The following GABRA3 variants were observed in gnomAD, a reference collection of about 807,000 sequenced individuals.
GABRA3 encodes the protein gamma-aminobutyric acid type A receptor subunit alpha3.
A neutral mutation model predicts 30.1 loss-of-function variants in GABRA3; 10 were observed. The observed-to-expected ratio is 0.33, with a 90% CI of 0.20 to 0.56. The LOEUF is 0.56. GABRA3 is among the 20% of genes least tolerant of loss of function. The pLI, the probability that GABRA3 is intolerant of heterozygous loss-of-function variation, is 0.89. For synonymous variants in GABRA3, 151 were observed against 146.8 expected, an observed-to-expected ratio of 1.03 and a Z score of -0.21; for missense variants, 233 against 392.0, an observed-to-expected ratio of 0.59 and a Z score of 3.42.
intron 1 of GABRA3, among the ~76,000 whole-genome samples, chrX:152,432,057 G>A (rs916985385): frequency 1.8e-5 from 2 of 111,683 alleles, no homozygotes; most frequent in East Asian, 2.8e-4. Flanking sequence ...AAGTGGCACT[G>A]ATATGGTCAT....
At chrX:152,193,767 G>T (rs865958250) in intron 8 of GABRA3, among the ~76,000 whole-genome samples, 31 of 112,234 alleles carry the variant, frequency 2.8e-4, no homozygotes, top group African/African-American at 4.9e-4. Flanking sequence ...GGGAGGCTGA[G>T]GCGGGTGGAT....
At chrX:152,439,036 TTAA>T (rs1186031476) in intron 1 of GABRA3, among the ~76,000 whole-genome samples, 1 of 111,097 alleles carries the variant, frequency 9.0e-6, no homozygotes, top group Non-Finnish European at 1.9e-5. Flanking sequence ...ATTAAAGACG[TTAA>T]TAATAAGGGA....
At chrX:152,367,298 T>C (rs1028909446) in intron 1 of GABRA3, among the ~76,000 whole-genome samples, 1 of 111,734 alleles carries the variant, frequency 8.9e-6, no homozygotes, top group African/African-American at 3.3e-5. Flanking sequence ...CAGGAGCAGA[T>C]TGGCTATGAA....
intron 5 of GABRA3, among the ~76,000 whole-genome samples, chrX:152,226,710 C>T (rs1476244493): frequency 9.0e-6 from 1 of 111,202 alleles, no homozygotes; most frequent in Admixed American, 9.5e-5. Flanking sequence ...ACCCCATCAA[C>T]AAGTGGGCGA....
chrX:152,286,695 C>T (rs1486261954), intron 3 of GABRA3, among the ~76,000 whole-genome samples: 1 of 111,418 alleles, frequency 9.0e-6, no homozygotes, highest in Non-Finnish European at 1.9e-5. Context: ...TATTGTGCCC[C>T]TACTCAGGCA....
In GABRA3 at chrX:152,207,420, G is replaced by C. The variant is rs769085961; in HGVS notation, c.778+581C>G. The stretch of plus-strand genomic sequence containing the variant: ...GCCATTTCCAAATGGACAGACTTAA[G>C]GCCACAGAACAAAACTCTAGTTTCA... On this transcript the variant is annotated intron_variant, in intron 7 of 9. Coordinates refer to ENST00000370314, the MANE Select transcript of GABRA3 (RefSeq NM_000808.4). Among the ~76,000 whole-genome samples, 4 of 111,678 alleles carry C rather than the reference G, an allele frequency of 3.6e-5. No individual in the cohort carries two copies. In the East Asian group the frequency reaches 1.1e-3, roughly 31 times the overall value.
chrX:152,400,323 T>A (rs949294203), intron 1 of GABRA3, among the ~76,000 whole-genome samples: 1 of 108,097 alleles, frequency 9.3e-6, no homozygotes. Flanking sequence ...AAAGATCCCA[T>A]CTGTACATAA....
At chrX:152,433,119 T>C (rs1930689946) in intron 1 of GABRA3, among the ~76,000 whole-genome samples, 1 of 110,824 alleles carries the variant, frequency 9.0e-6, no homozygotes, top group African/African-American at 3.3e-5. Flanking sequence ...CTTAGCAAAT[T>C]AGAAATACAA....
chrX:152,311,194 T>G (rs1276756699), intron 3 of GABRA3, among the ~76,000 whole-genome samples: 1 of 111,477 alleles, frequency 9.0e-6, no homozygotes, highest in Non-Finnish European at 1.9e-5. Context: ...GGGACTCCTC[T>G]CTAACTCATT....
intron 1 of GABRA3, among the ~76,000 whole-genome samples, chrX:152,445,083 AAAAAT>A (rs1351738041): frequency 3.2e-4 from 34 of 104,761 alleles, no homozygotes; most frequent in African/African-American, 1.1e-3. Flanking sequence ...AAAAAAAAAA[AAAAAT>A]ACTTGTGTTT....
At chrX:152,264,656 G>C (rs1361338246) in intron 4 of GABRA3, among the ~76,000 whole-genome samples, 2 of 111,108 alleles carry the variant, frequency 1.8e-5, no homozygotes, top group Non-Finnish European at 1.9e-5. Context: ...TACTAATAAT[G>C]CTGAATGTAT....
At chrX:152,259,182 G>A (rs1938687404) in intron 4 of GABRA3, among the ~76,000 whole-genome samples, 2 of 111,908 alleles carry the variant, frequency 1.8e-5, no homozygotes, top group Admixed American at 1.9e-4. Flanking sequence ...ATTTATCCTA[G>A]CCCTAGCCAG....
chrX:152,263,163 G>A (rs1938762063), intron 4 of GABRA3, among the ~76,000 whole-genome samples: 1 of 110,746 alleles, frequency 9.0e-6, no homozygotes, highest in Non-Finnish European at 1.9e-5. Flanking sequence ...TGTGACATGT[G>A]GGGATTATGA....
chrX:152,287,487 C>T (rs1180669579), intron 3 of GABRA3, among the ~76,000 whole-genome samples: 3 of 111,408 alleles, frequency 2.7e-5, no homozygotes, highest in Non-Finnish European at 5.7e-5. Context: ...CACTCATTCT[C>T]TCTCCTGTTG....
chrX:152,364,587 T>C lies in GABRA3; in HGVS notation c.-17A>G. ...GATTATCATCTTCTTAGGCACAAACTTGGAGAGACCTGTGAGATTCACAGT... is the reference window on the plus strand; with the variant it reads ...GATTATCATCTTCTTAGGCACAAACCTGGAGAGACCTGTGAGATTCACAGT... On this transcript the variant is annotated 5_prime_UTR_variant, in exon 2 of 10. Coordinates refer to ENST00000370314, the MANE Select transcript of GABRA3 (RefSeq NM_000808.4). 1 of 1,193,522 alleles carries C rather than the reference T, an allele frequency of 8.4e-7. No homozygotes were observed. Among genetic ancestry groups the C allele is most frequent in the Non-Finnish European group, 1.1e-6 (1 of 883,969 alleles).
At chrX:152,417,245 T>A (rs565210173) in intron 1 of GABRA3, among the ~76,000 whole-genome samples, 42,737 of 93,957 alleles carry the variant, frequency 0.45, 11,193 homozygotes, top group African/African-American at 0.79. Flanking sequence ...CAAAAGAAGA[T>A]TTTATGCAGC....
At chrX:152,226,105 G>A (rs902823124) in intron 5 of GABRA3, among the ~76,000 whole-genome samples, 2 of 111,710 alleles carry the variant, frequency 1.8e-5, no homozygotes, top group Non-Finnish European at 3.8e-5. Context: ...AGAAGTGCAT[G>A]CAAGGGATCC....
At chrX:152,184,183 C>G (rs1937223251) in intron 9 of GABRA3, among the ~76,000 whole-genome samples, 1 of 111,119 alleles carries the variant, frequency 9.0e-6, no homozygotes, top group South Asian at 3.7e-4. Context: ...TCTTGTTTTT[C>G]TTACGTTCTC....
At chrX:152,248,013 T>C (rs1208703881) in intron 5 of GABRA3, among the ~76,000 whole-genome samples, 2 of 111,006 alleles carry the variant, frequency 1.8e-5, no homozygotes, top group African/African-American at 6.5e-5. Flanking sequence ...ACGCACCTTT[T>C]TCCTCGATAC....
Sources: allele counts gnomAD v4.1 joint callset (sites outside exome capture counted in the v4.1 genomes callset), GRCh38; gene constraint gnomAD v4.1.1; transcripts MANE v1.5; gene names NCBI Gene and HGNC (gene_info 2026-07-23, HGNC 2026-07-21).